The following TNFAIP8L2 variants were observed in gnomAD, a reference collection of about 807,000 sequenced individuals.
TNFAIP8L2 encodes TNF alpha induced protein 8 like 2.
In TNFAIP8L2, 2 loss-of-function variants were observed where a neutral mutation model predicts 5.6. The ratio of observed to expected loss-of-function variants is 0.36; its 90% CI spans 0.15 to 1.13. TNFAIP8L2 has a LOEUF of 1.13. Ranked by LOEUF, TNFAIP8L2 falls within the 50% of genes most tolerant of loss-of-function variation. TNFAIP8L2 has a pLI of 0.40. For missense variants in TNFAIP8L2, 216 were observed against 241.8 expected (o/e 0.89, Z 0.71); for synonymous variants, 91 against 101.1 (o/e 0.90, Z 0.60).
At chr1:151,157,726 A>T (rs1186798886) in intron 1 of TNFAIP8L2, among the ~76,000 whole-genome samples, 1 of 152,188 alleles carries the variant, frequency 6.6e-6, no homozygotes, top group East Asian at 1.9e-4. Context: ...GGGGATACCT[A>T]CCCTAACCTT....
chr1:151,158,348 T>C (rs1683300990), intron 1 of TNFAIP8L2, among the ~76,000 whole-genome samples: 1 of 150,826 alleles, frequency 6.6e-6, no homozygotes, highest in Admixed American at 6.6e-5. Context: ...AAGAATTATC[T>C]GTCAGGTAAG....
chr1:151,158,720 G>T lies in TNFAIP8L2; in HGVS notation c.23G>T (p.Ser8Ile). The change falls in exon 2 of 2, where the codon AGC (serine) becomes ATC (isoleucine). Residue 8 changes from serine (S) to isoleucine (I), a missense_variant. Coordinates refer to ENST00000368910, the MANE Select transcript of TNFAIP8L2 (RefSeq NM_024575.5). The part of the protein sequence containing the change: MESFSSK[S>I]LALQAEKKLL... ...CCCATGGAGTCCTTCAGCTCAAAGA[G>T]CCTGGCACTGCAAGCAGAGAAGAAG... The T allele has an allele frequency of 6.2e-7, 1 of 1,608,156 alleles. No individual in the cohort carries two copies. The highest frequency in any genetic ancestry group is 8.5e-7 in the Non-Finnish European group (1 of 1,176,360).
Position 151,159,467 on chromosome 1 carries a change from GC to G in TNFAIP8L2, c.*219del. 1 of 550,884 alleles carries G rather than the reference GC, an allele frequency of 1.8e-6. No individual in the cohort carries two copies. The highest frequency in any genetic ancestry group is 3.3e-6 in the Non-Finnish European group (1 of 299,862). 34.1% of individuals were successfully genotyped at this position (550,884 alleles called of 1,614,324 possible). A position where few individuals can be genotyped will look rare whatever the true frequency, so the allele number is the denominator to read the frequency against. On this transcript the variant is annotated 3_prime_UTR_variant, in exon 2 of 2. Transcript: ENST00000368910. The stretch of plus-strand genomic sequence containing the variant: ...GGGGTGAGGCCTCTCTCCCACTCCA[GC>G]CCCAGGACAGGAAACAGAACTGCCT...
intron 1 of TNFAIP8L2, among the ~76,000 whole-genome samples, chr1:151,158,284 C>T (rs1237691884): frequency 1.3e-5 from 2 of 150,002 alleles, no homozygotes; most frequent in African/African-American, 4.9e-5. Context: ...GATCACACCA[C>T]TGCACTCCAG....
At position 151,158,871 on chromosome 1, in the gene TNFAIP8L2, C is replaced by T. The variant is rs746672859; in HGVS notation, c.174C>T (p.Arg58=). 64 of 1,614,086 alleles carry T rather than the reference C, an allele frequency of 4.0e-5. No homozygotes were observed. Among genetic ancestry groups the T allele is most frequent in the African/African-American group, 9.3e-5 (7 of 74,932 alleles). ...EYTHSRPQAQ[R]VIKDLIKVAI... is the part of the protein sequence containing the mutation. ...CGCACAGCCGGCCCCAGGCCCAGCG[C>T]GTGATCAAGGACCTGATCAAAGTGG... is the stretch of plus-strand genomic sequence containing the variant. The change falls in exon 2 of 2, where the codon CGC becomes CGT. Residue 58 remains arginine, a synonymous_variant. Transcript: ENST00000368910.
Position 151,159,381 on chromosome 1 carries a change from G to A in TNFAIP8L2, c.*129G>A, listed in dbSNP as rs932635585. 4.8e-5 allele frequency: 52 copies of A among 1,073,298 alleles called. No individual in the cohort carries two copies. The highest frequency in any genetic ancestry group is 6.4e-5 in the African/African-American group (4 of 62,350). 66.5% of individuals were successfully genotyped at this position (1,073,298 alleles called of 1,614,324 possible). A position where few individuals can be genotyped will look rare whatever the true frequency, so the allele number is the denominator to read the frequency against. ...CTTCAGGCTTCATTCCTTCCCAAGA[G>A]TGCTTTTGACTCTGAGACCAGCCCA... is the stretch of plus-strand genomic sequence containing the variant. On this transcript the variant is annotated 3_prime_UTR_variant, in exon 2 of 2. Coordinates refer to ENST00000368910, the MANE Select transcript of TNFAIP8L2 (RefSeq NM_024575.5).
rs1451689838 is a variant in TNFAIP8L2, at chr1:151,159,180, G to A, written c.483G>A (p.Gly161=). 1.9e-6 allele frequency: 3 copies of A among 1,614,094 alleles called. No homozygotes were observed. Among genetic ancestry groups the A allele is most frequent in the African/African-American group, 1.3e-5 (1 of 74,948 alleles). ...SDPGLLTALY[G]PDFTQHLGKI... The stretch of plus-strand genomic sequence containing the variant: ...CAGGTCTGCTCACGGCCCTCTATGG[G>A]CCTGACTTCACTCAGCACCTTGGCA... Residue 161 remains glycine (G), a synonymous_variant, in exon 2 of 2, where the codon GGG becomes GGA. Coordinates refer to ENST00000368910, the MANE Select transcript of TNFAIP8L2 (RefSeq NM_024575.5).
rs186496711 is a variant in TNFAIP8L2 at position 151,158,180 on chromosome 1, G to A, written c.-32-486G>A. Among the ~76,000 whole-genome samples, 151 of 152,128 alleles carry A rather than the reference G, an allele frequency of 9.9e-4. 2 individuals carry two copies. The highest frequency in any genetic ancestry group is 3.2e-3 in the African/African-American group (132 of 41,482). ...TCTACTAAAAATACAAAAATTAGCC[G>A]GGCGTGGTGGTGGGTGCCTGTAATC... On this transcript the variant is annotated intron_variant, in intron 1 of 1. Transcript: ENST00000368910.
Position 151,158,991 on chromosome 1 carries a change from C to T in TNFAIP8L2, c.294C>T (p.Ala98=), listed in dbSNP as rs368362515. The T allele has an allele frequency of 3.2e-5, 51 of 1,614,142 alleles. No homozygotes were observed. The highest frequency in any genetic ancestry group is 4.2e-5 in the Non-Finnish European group (50 of 1,180,050). ...TTCGCCAGAAGCTGCGGCAGGGTGC[C>T]ATGACGGCACTTAGCTTTGGTGAGG... ...TRFRQKLRQG[A]MTALSFGEVD... Residue 98 remains alanine (A), a synonymous_variant, in exon 2 of 2, where the codon GCC becomes GCT. Coordinates refer to ENST00000368910, the MANE Select transcript of TNFAIP8L2 (RefSeq NM_024575.5).
At position 151,159,559 on chromosome 1, in the gene TNFAIP8L2, C is replaced by T. The variant is rs1683360141; in HGVS notation, c.*307C>T. 3.2e-6 allele frequency: 1 copy of T among 315,130 alleles called. No homozygotes were observed. Among genetic ancestry groups the T allele is most frequent in the African/African-American group, 2.1e-5 (1 of 46,584 alleles). The allele number at this position is 315,130 out of a possible 1,614,324, so 19.5% of individuals were successfully genotyped here. On this transcript the variant is annotated 3_prime_UTR_variant, in exon 2 of 2. Transcript: ENST00000368910. Reference sequence around the variant, plus strand: ...AAGGGACTTCTGAAACAGGGAAGCCCCCTCCCATGTGAACCAAGGAAAGGA... The same window carrying T: ...AAGGGACTTCTGAAACAGGGAAGCCTCCTCCCATGTGAACCAAGGAAAGGA...
rs587766368 is a variant in TNFAIP8L2, at chr1:151,159,360, A to G, written c.*108A>G. 29 of 1,181,046 alleles carry G rather than the reference A, an allele frequency of 2.5e-5. No individual in the cohort carries two copies. The South Asian group carries it at 4.4e-4, about 18-fold the overall frequency. 73.2% of individuals were successfully genotyped at this position (1,181,046 alleles called of 1,614,324 possible). A position where few individuals can be genotyped will look rare whatever the true frequency, so the allele number is the denominator to read the frequency against. On this transcript the variant is annotated 3_prime_UTR_variant, in exon 2 of 2. Coordinates refer to ENST00000368910, the MANE Select transcript of TNFAIP8L2 (RefSeq NM_024575.5). ...CTGGCACTAACACTTTTCAATCTTC[A>G]GGCTTCATTCCTTCCCAAGAGTGCT...
Position 151,159,310 on chromosome 1 carries a change from TA to T in TNFAIP8L2, c.*60del. ...AAATGGTTGACTGAGAAAACACAGA[TA>T]ATGGGCTTCCTAACCCTGCTCACCT... On this transcript the variant is annotated 3_prime_UTR_variant, in exon 2 of 2. Coordinates refer to ENST00000368910, the MANE Select transcript of TNFAIP8L2 (RefSeq NM_024575.5). 1 of 1,524,402 alleles carries T rather than the reference TA, an allele frequency of 6.6e-7. No individual in the cohort carries two copies. The highest frequency in any genetic ancestry group is 1.8e-4 in the Middle Eastern group (1 of 5,712). The allele number at this position is 1,524,402 out of a possible 1,614,324, so 94.4% of individuals were successfully genotyped here.
At chr1:151,157,571 C>T (rs1191561763) in intron 1 of TNFAIP8L2, among the ~76,000 whole-genome samples, 1 of 152,182 alleles carries the variant, frequency 6.6e-6, no homozygotes, top group Non-Finnish European at 1.5e-5. Flanking sequence ...CTCGTGCTTC[C>T]TCAGTGTGCT....
At position 151,159,069 on chromosome 1, in the gene TNFAIP8L2, G is replaced by C. The variant is rs912049118; in HGVS notation, c.372G>C (p.Arg124=). The change falls in exon 2 of 2, where the codon CGG becomes CGC. Residue 124 remains arginine (R), a synonymous_variant. Transcript: ENST00000368910. ...AVLAGLLTEC[R]DVLLELVEHH... ...TGGCTGGCCTGCTGACCGAGTGCCGGGATGTGCTGCTAGAGTTGGTGGAAC... is the reference window on the plus strand; with the variant it reads ...TGGCTGGCCTGCTGACCGAGTGCCGCGATGTGCTGCTAGAGTTGGTGGAAC... The C allele has an allele frequency of 2.5e-6, 4 of 1,614,160 alleles. No homozygotes were observed. The highest frequency in any genetic ancestry group is 3.4e-6 in the Non-Finnish European group (4 of 1,180,054).
In TNFAIP8L2 at chr1:151,158,763, G is replaced by A. The variant is rs749211399; in HGVS notation, c.66G>A (p.Ala22=). The change falls in exon 2 of 2, where the codon GCG becomes GCA. Residue 22 remains alanine, a synonymous_variant. Coordinates refer to ENST00000368910, the MANE Select transcript of TNFAIP8L2 (RefSeq NM_024575.5). ...QAEKKLLSKM[A]GRSVAHLFID... is the part of the protein sequence containing the mutation. The stretch of plus-strand genomic sequence containing the variant: ...AGAAGAAGCTACTGAGTAAGATGGC[G>A]GGTCGCTCTGTGGCTCATCTCTTCA... The A allele has an allele frequency of 1.9e-5, 31 of 1,613,818 alleles. No individual in the cohort carries two copies. The Admixed American group carries it at 2.8e-4, about 15-fold the overall frequency.
Position 151,159,403 on chromosome 1 carries a change from C to A in TNFAIP8L2, c.*151C>A. 1.2e-6 allele frequency: 1 copy of A among 805,148 alleles called. No individual in the cohort carries two copies. Among genetic ancestry groups the A allele is most frequent in the Non-Finnish European group, 2.0e-6 (1 of 512,164 alleles). The allele number at this position is 805,148 out of a possible 1,614,324, so 49.9% of individuals were successfully genotyped here. A position where few individuals can be genotyped will look rare whatever the true frequency, so the allele number is the denominator to read the frequency against. ...AGAGTGCTTTTGACTCTGAGACCAG[C>A]CCACCCCCAAACAGCTAGTGGAGAA... On this transcript the variant is annotated 3_prime_UTR_variant, in exon 2 of 2. Coordinates refer to ENST00000368910, the MANE Select transcript of TNFAIP8L2 (RefSeq NM_024575.5).
intron 1 of TNFAIP8L2, among the ~76,000 whole-genome samples, chr1:151,157,164 G>C (rs1190218206): frequency 6.6e-6 from 1 of 152,170 alleles, no homozygotes. Context: ...GGCCAAGGAG[G>C]AAGGAAGGCT....
Position 151,158,739 on chromosome 1 carries a change from G to A in TNFAIP8L2, c.42G>A (p.Glu14=). The change falls in exon 2 of 2, where the codon GAG becomes GAA. Residue 14 remains glutamate, a synonymous_variant. Coordinates refer to ENST00000368910, the MANE Select transcript of TNFAIP8L2 (RefSeq NM_024575.5). ...CAAAGAGCCTGGCACTGCAAGCAGA[G>A]AAGAAGCTACTGAGTAAGATGGCGG... The part of the protein sequence containing the change: ...FSSKSLALQA[E]KKLLSKMAGR... The A allele has an allele frequency of 1.2e-6, 2 of 1,612,574 alleles. No homozygotes were observed. The highest frequency in any genetic ancestry group is 2.2e-5 in the East Asian group (1 of 44,844).
rs1178927750 is a variant in TNFAIP8L2 at position 151,158,986 on chromosome 1, G to A, written c.289G>A (p.Gly97Ser). ...ATRFRQKLRQ[G>S]AMTALSFGEV... ...CCGCTTTCGCCAGAAGCTGCGGCAG[G>A]GTGCCATGACGGCACTTAGCTTTGG... The change falls in exon 2 of 2, where the codon GGT (glycine) becomes AGT (serine). Residue 97 changes from glycine (G) to serine (S), a missense_variant. Physicochemically the swap from Gly to Ser is moderately conservative, Grantham distance 56 (BLOSUM62 0). Coordinates refer to ENST00000368910, the MANE Select transcript of TNFAIP8L2 (RefSeq NM_024575.5). 6.2e-7 allele frequency: 1 copy of A among 1,614,282 alleles called. No individual in the cohort carries two copies. Among genetic ancestry groups the A allele is most frequent in the Non-Finnish European group, 8.5e-7 (1 of 1,180,062 alleles).
Sources: gnomAD v4.1 joint callset for allele counts (sites outside exome capture counted in the v4.1 genomes callset) on GRCh38, gnomAD v4.1.1 for gene constraint, MANE v1.5 for transcripts, NCBI Gene and HGNC (gene_info 2026-07-23, HGNC 2026-07-21) for gene names.